PLCH1: variants seen among roughly 807,000 people sequenced by gnomAD.
The protein encoded by PLCH1 is 1-phosphatidylinositol 4,5-bisphosphate phosphodiesterase eta-1.
Under a neutral mutation model 126.7 loss-of-function variants are expected in PLCH1, and 60 were observed. The observed-to-expected ratio is 0.47, with a 90% confidence interval of 0.38 to 0.59. PLCH1 has a LOEUF of 0.59. PLCH1 is among the 20% of genes least tolerant of loss of function. The probability of loss-of-function intolerance (pLI) is 0.00; values close to 1 mark genes in which losing one functional copy is unlikely to be tolerated. For missense variants in PLCH1, 1,723 were observed against 2,040.0 expected, an observed-to-expected ratio of 0.84 and a Z score of 2.99; for synonymous variants, 719 against 734.9, an observed-to-expected ratio of 0.98 and a Z score of 0.35.
intron 2 of PLCH1, among the ~76,000 whole-genome samples, chr3:155,650,031 C>T (rs1740532683): frequency 6.6e-6 from 1 of 152,024 alleles, no homozygotes; most frequent in East Asian, 1.9e-4. Context: ...CTTACAGGCA[C>T]AGGGAGGCGT....
intron 10 of PLCH1, among the ~76,000 whole-genome samples, chr3:155,527,101 A>G (rs1188329876): frequency 1.3e-5 from 2 of 152,186 alleles, no homozygotes; most frequent in African/African-American, 4.8e-5. Context: ...TGTCTGGGAC[A>G]GGTTCACTTG....
chr3:155,540,018 A>C (rs988558229), intron 10 of PLCH1, among the ~76,000 whole-genome samples: 91 of 65,796 alleles, frequency 1.4e-3, no homozygotes, highest in African/African-American at 3.9e-3. Context: ...CCAAAACAGC[A>C]TGGTACTGGT....
In PLCH1 at chr3:155,536,750, T is replaced by C. The variant is rs547872482; in HGVS notation, c.1363-12746A>G. 2.2e-4 allele frequency among the ~76,000 whole-genome samples: 34 copies of C among 152,244 alleles called. 1 individual carries two copies. The highest frequency in any genetic ancestry group is 1.7e-3 in the South Asian group (8 of 4,820). ...AAATCTCACAGTGTGGAAAACCTAT[T>C]TGAGGGAATAATTGAGGAAAATTTC... On this transcript the variant is annotated intron_variant, in intron 10 of 22. Coordinates refer to ENST00000460012, the MANE Select transcript of PLCH1 (RefSeq NM_014996.4).
chr3:155,525,970 A>G (rs1423397181), intron 10 of PLCH1, among the ~76,000 whole-genome samples: 1 of 152,202 alleles, frequency 6.6e-6, no homozygotes, highest in Non-Finnish European at 1.5e-5. Flanking sequence ...TAAACTAAAA[A>G]GGACAGCAGG....
chr3:155,703,895 G>A (rs1205509916), intron 2 of PLCH1, among the ~76,000 whole-genome samples: 2 of 152,130 alleles, frequency 1.3e-5, no homozygotes, highest in Non-Finnish European at 2.9e-5. Flanking sequence ...AAGAGGAAAG[G>A]CACTGGTACC....
At chr3:155,577,290 T>C (rs1730102000) in intron 6 of PLCH1, among the ~76,000 whole-genome samples, 1 of 152,140 alleles carries the variant, frequency 6.6e-6, no homozygotes, top group East Asian at 1.9e-4. Flanking sequence ...TTTCAGATTT[T>C]TGAATTACTA....
chr3:155,534,674 A>G (rs1390401830), intron 10 of PLCH1, among the ~76,000 whole-genome samples: 1 of 152,234 alleles, frequency 6.6e-6, no homozygotes, highest in African/African-American at 2.4e-5. Flanking sequence ...CCCAAATATC[A>G]TCTTGAATCA....
chr3:155,596,358 T>G lies in PLCH1; in HGVS notation c.100A>C (p.Met34Leu). 1 of 1,613,006 alleles carries G rather than the reference T, an allele frequency of 6.2e-7. No homozygotes were observed. The highest frequency in any genetic ancestry group is 1.1e-5 in the South Asian group (1 of 90,734). Residue 34 changes from methionine to leucine, a missense_variant, in exon 3 of 23, where the codon ATG (methionine) becomes CTG (leucine). Met to Leu is a conservative substitution (Grantham distance 15). This residue lies in a region of PLCH1 where 776 missense variants were observed against 1,062.9 expected (regional missense o/e 0.73). Coordinates refer to ENST00000460012, the MANE Select transcript of PLCH1 (RefSeq NM_014996.4). The part of the protein sequence containing the change: ...VFHVERCMSV[M>L]QSGTQMIKLK... ...TTGATCATCTGTGTCCCGGACTGCA[T>G]CACACTCATGCATCTTTCAACTGCA...
chr3:155,574,265 G>T (rs912323038), intron 6 of PLCH1, among the ~76,000 whole-genome samples: 1 of 152,104 alleles, frequency 6.6e-6, no homozygotes, highest in African/African-American at 2.4e-5. Flanking sequence ...AGGGACAGTT[G>T]CCCTGCTACA....
Position 155,704,157 on chromosome 3 carries a change from C to T in PLCH1, c.68G>A (p.Ser23Asn). The change falls in exon 2 of 23, where the codon AGT becomes AAT. Residue 23 changes from serine (S) to asparagine (N), a missense_variant. This residue lies in a region of PLCH1 where 776 missense variants were observed against 1,062.9 expected (regional missense o/e 0.73). Transcript: ENST00000460012. Reference protein sequence around the residue: ...QYRRHFLVDNSVFHVERCMSV... With the variant: ...QYRRHFLVDNNVFHVERCMSV... ...AAGAGACAGCTTACCATGAAACACA[C>T]TGTTGTCCACCAGAAAATGCCTGCG... The T allele has an allele frequency of 7.4e-6, 9 of 1,219,708 alleles. No individual in the cohort carries two copies. The highest frequency in any genetic ancestry group is 8.2e-6 in the Non-Finnish European group (8 of 976,936). The allele number at this position is 1,219,708 out of a possible 1,614,324, so 75.6% of individuals were successfully genotyped here.
chr3:155,673,357 T>C (rs16825238), intron 2 of PLCH1, among the ~76,000 whole-genome samples: 2,295 of 152,242 alleles, frequency 0.015, 65 homozygotes, highest in African/African-American at 0.053. Context: ...GTTCTTTTTA[T>C]TCATCTTCAT....
At chr3:155,684,985 G>T (rs931001344) in intron 2 of PLCH1, among the ~76,000 whole-genome samples, 1 of 152,182 alleles carries the variant, frequency 6.6e-6, no homozygotes, top group African/African-American at 2.4e-5. Context: ...ACAGAAACAA[G>T]GAGGAACATA....
intron 1 of PLCH1, among the ~76,000 whole-genome samples, chr3:155,732,270 A>T (rs1748829177): frequency 6.6e-6 from 1 of 152,158 alleles, no homozygotes; most frequent in Admixed American, 6.5e-5. Context: ...AACCAAATTT[A>T]AAAATGCAAG....
intron 10 of PLCH1, among the ~76,000 whole-genome samples, chr3:155,546,437 C>G (rs1339598259): frequency 6.6e-6 from 1 of 152,110 alleles, no homozygotes; most frequent in Non-Finnish European, 1.5e-5. Flanking sequence ...TAGGAAGAAT[C>G]AATATCATAA....
chr3:155,592,358 G>T (rs1461606587), intron 4 of PLCH1, among the ~76,000 whole-genome samples: 10 of 151,234 alleles, frequency 6.6e-5, no homozygotes, highest in Non-Finnish European at 4.4e-5. Flanking sequence ...AGCGGGGCAT[G>T]GTGGCAGGCA....
intron 2 of PLCH1, among the ~76,000 whole-genome samples, chr3:155,697,058 T>C (rs1384631516): frequency 4.6e-5 from 7 of 152,174 alleles, no homozygotes; most frequent in African/African-American, 7.2e-5. Flanking sequence ...TGACCTTGCA[T>C]AGAAAGCATG....
chr3:155,593,851 T>G, intron 4 of PLCH1, 90 bp downstream of exon 4: 2 of 1,326,696 alleles, frequency 1.5e-6, no homozygotes, highest in Non-Finnish European at 1.0e-6. Flanking sequence ...TGGGAAAAAT[T>G]AAAACATAGT....
intron 10 of PLCH1, among the ~76,000 whole-genome samples, chr3:155,549,258 T>C (rs185719739): frequency 2.0e-5 from 3 of 152,352 alleles, no homozygotes; most frequent in Admixed American, 1.3e-4. Context: ...TACTGCTCTT[T>C]CACACGTACA....
At chr3:155,680,695 C>A (rs149461962) in intron 2 of PLCH1, among the ~76,000 whole-genome samples, 6 of 152,096 alleles carry the variant, frequency 3.9e-5, no homozygotes, top group Admixed American at 3.9e-4. Flanking sequence ...TTATTTTAGT[C>A]AATAATCATT....
Sources: gnomAD v4.1 joint callset for allele counts (sites outside exome capture counted in the v4.1 genomes callset) on GRCh38, gnomAD v4.1.1 for gene constraint, gnomAD v4.1.1 regional missense constraint, MANE v1.5 for transcripts, NCBI Gene and HGNC (gene_info 2026-07-23, HGNC 2026-07-21) for gene names.